Variants in RNLS observed in about 807,000 individuals in gnomAD.
RNLS encodes renalase, FAD dependent amine oxidase.
Under a neutral mutation model 39.8 loss-of-function variants are expected in RNLS, and 39 were observed. That is an observed-to-expected ratio of 0.98 (90% CI 0.76 to 1.28). RNLS has a LOEUF of 1.28. RNLS is among the 50% of genes most tolerant of loss of function. The pLI is 0.00. For synonymous variants in RNLS, 147 were observed against 150.7 expected (o/e 0.98, Z 0.18); for missense variants, 410 against 413.3 (o/e 0.99, Z 0.07).
the RNLS span, among the ~76,000 whole-genome samples, chr10:88,241,294 T>A: frequency 6.6e-6 from 1 of 152,040 alleles, no homozygotes; most frequent in Non-Finnish European, 1.5e-5. Context: ...AGTCTTCTTT[T>A]GTGGAATATT....
the RNLS span, among the ~76,000 whole-genome samples, chr10:88,174,888 T>C: frequency 1.3e-5 from 2 of 152,216 alleles, no homozygotes; most frequent in Non-Finnish European, 2.9e-5. Flanking sequence ...CATTCTGTTG[T>C]GGACTTCTCT....
chr10:88,446,070 C>A (rs1842015151), intron 4 of RNLS, among the ~76,000 whole-genome samples: 2 of 152,158 alleles, frequency 1.3e-5, no homozygotes, highest in African/African-American at 4.8e-5. Context: ...GGAAGTAAAG[C>A]ACTCCTCAGC....
intron 5 of RNLS, among the ~76,000 whole-genome samples, chr10:88,336,232 C>T (rs1213974365): frequency 6.6e-6 from 1 of 152,206 alleles, no homozygotes; most frequent in Non-Finnish European, 1.5e-5. Flanking sequence ...CTATTAGCTT[C>T]TTTTCTTCTT....
At chr10:88,537,419 C>A (rs538721154) in intron 4 of RNLS, among the ~76,000 whole-genome samples, 1 of 152,110 alleles carries the variant, frequency 6.6e-6, no homozygotes, top group Non-Finnish European at 1.5e-5. Flanking sequence ...TTCACAGGAG[C>A]GCTATTTATA....
At chr10:88,365,620 A>C (rs1850024703) in intron 4 of RNLS, among the ~76,000 whole-genome samples, 1 of 151,806 alleles carries the variant, frequency 6.6e-6, no homozygotes, top group African/African-American at 2.4e-5. Context: ...ATAATATAAA[A>C]TATATTTTAT....
At chr10:88,348,373 C>A (rs2133265665) in intron 5 of RNLS, among the ~76,000 whole-genome samples, 1 of 152,244 alleles carries the variant, frequency 6.6e-6, no homozygotes, top group South Asian at 2.1e-4. Flanking sequence ...AGATTCTGAA[C>A]CAATTCTTGG....
chr10:88,241,101 A>T, the RNLS span, among the ~76,000 whole-genome samples: 2 of 151,108 alleles, frequency 1.3e-5, no homozygotes, highest in Non-Finnish European at 3.0e-5. Context: ...GTACTTTGGC[A>T]TGTCTGTTTG....
At chr10:88,449,202 A>C (rs1343025652) in intron 4 of RNLS, among the ~76,000 whole-genome samples, 3 of 152,212 alleles carry the variant, frequency 2.0e-5, no homozygotes, top group African/African-American at 7.2e-5. Flanking sequence ...CAAACTAATA[A>C]GCACAAAATG....
chr10:88,438,558 G>A (rs1841539660), intron 4 of RNLS, among the ~76,000 whole-genome samples: 1 of 152,138 alleles, frequency 6.6e-6, no homozygotes, highest in South Asian at 2.1e-4. Flanking sequence ...AAGTAATCTT[G>A]GTAATAGAGT....
At chr10:88,290,193 A>C (rs753186271) in intron 6 of RNLS, among the ~76,000 whole-genome samples, 4 of 152,200 alleles carry the variant, frequency 2.6e-5, no homozygotes, top group Non-Finnish European at 4.4e-5. Context: ...TCTATGCTAA[A>C]GCTACAGTGC....
At chr10:88,236,795 G>C in the RNLS span, among the ~76,000 whole-genome samples, 1 of 152,220 alleles carries the variant, frequency 6.6e-6, no homozygotes, top group Non-Finnish European at 1.5e-5. Flanking sequence ...GATGCCTGCA[G>C]AGTCTACTGC....
At chr10:88,186,192 T>C in the RNLS span, among the ~76,000 whole-genome samples, 66 of 152,164 alleles carry the variant, frequency 4.3e-4, no homozygotes, top group Admixed American at 1.2e-3. Flanking sequence ...ATGAGCAGAA[T>C]AGGAAGTTAA....
At chr10:88,389,760 A>G (rs1185871791) in intron 4 of RNLS, among the ~76,000 whole-genome samples, 1 of 152,138 alleles carries the variant, frequency 6.6e-6, no homozygotes, top group Non-Finnish European at 1.5e-5. Context: ...TAAGCAGGGT[A>G]CTCTTGCTAT....
intron 4 of RNLS, among the ~76,000 whole-genome samples, chr10:88,426,831 G>A (rs545439125): frequency 4.0e-5 from 6 of 151,814 alleles, no homozygotes; most frequent in African/African-American, 1.5e-4. Context: ...AAGATCCTAG[G>A]GGGTAACAGT....
chr10:88,441,524 C>T (rs539113310), intron 4 of RNLS, among the ~76,000 whole-genome samples: 4 of 152,292 alleles, frequency 2.6e-5, no homozygotes, highest in Admixed American at 6.5e-5. Context: ...CCTCTCTATA[C>T]AGAGTAGGTA....
At chr10:88,172,842 G>GTTGTTTTTTTTT in the RNLS span, among the ~76,000 whole-genome samples, 2 of 43,778 alleles carry the variant, frequency 4.6e-5, no homozygotes, top group Non-Finnish European at 7.3e-5. Context: ...ATTTTGAGTT[G>GTTGTTTTTTTTT]TTTTTTTTTT....
At chr10:88,404,054 A>G (rs1057066596) in intron 4 of RNLS, among the ~76,000 whole-genome samples, 3 of 152,072 alleles carry the variant, frequency 2.0e-5, no homozygotes, top group Non-Finnish European at 4.4e-5. Context: ...CAGAAAACAA[A>G]AAAGGACAAA....
intron 4 of RNLS, among the ~76,000 whole-genome samples, chr10:88,458,121 T>C (rs1319264295): frequency 6.6e-6 from 1 of 152,224 alleles, no homozygotes; most frequent in African/African-American, 2.4e-5. Flanking sequence ...CATCATGGGT[T>C]GGATGCCACC....
intron 4 of RNLS, among the ~76,000 whole-genome samples, chr10:88,451,931 G>C (rs998382528): frequency 6.6e-6 from 1 of 152,138 alleles, no homozygotes; most frequent in Non-Finnish European, 1.5e-5. Flanking sequence ...GCTTTTGTTC[G>C]GGTCCCAGGT....
Sources: allele counts gnomAD v4.1 joint callset (sites outside exome capture counted in the v4.1 genomes callset), GRCh38; gene constraint gnomAD v4.1.1; transcripts MANE v1.5; gene names NCBI Gene and HGNC (gene_info 2026-07-23, HGNC 2026-07-21).